Variants in PIK3C2G observed in about 807,000 individuals in gnomAD.
The protein encoded by PIK3C2G is phosphatidylinositol-4-phosphate 3-kinase catalytic subunit type 2 gamma.
Under a neutral mutation model 181.1 loss-of-function variants are expected in PIK3C2G, and 168 were observed. That is an observed-to-expected ratio of 0.93 (90% CI 0.82 to 1.05). The LOEUF is 1.05. Among genes scored for constraint, PIK3C2G ranks in the 50% least tolerant of loss-of-function variants. PIK3C2G has a pLI of 0.00. For missense variants in PIK3C2G, 1,869 were observed against 1,732.8 expected (o/e 1.08, Z -1.40); for synonymous variants, 573 against 592.2 (o/e 0.97, Z 0.47).
At chr12:18,590,012 TGGTAAC>T (rs1946992407) in intron 29 of PIK3C2G, among the ~76,000 whole-genome samples, 1 of 151,916 alleles carries the variant, frequency 6.6e-6, no homozygotes, top group Non-Finnish European at 1.5e-5. Flanking sequence ...AGCCTGGACT[TGGTAAC>T]CACACAGTCC....
intron 15 of PIK3C2G, among the ~76,000 whole-genome samples, chr12:18,399,395 C>T (rs1156538386): frequency 6.9e-6 from 1 of 144,290 alleles, no homozygotes; most frequent in Non-Finnish European, 1.5e-5. Context: ...AAAAAAAACA[C>T]GAATAAGAGT....
At chr12:18,385,059 G>T (rs1943076218) in intron 14 of PIK3C2G, among the ~76,000 whole-genome samples, 1 of 152,030 alleles carries the variant, frequency 6.6e-6, no homozygotes, top group Non-Finnish European at 1.5e-5. Context: ...GTTTCGTTAG[G>T]GAGTTAGTAT....
At chr12:18,308,997 T>C (rs1291366279) in intron 5 of PIK3C2G, among the ~76,000 whole-genome samples, 1 of 151,698 alleles carries the variant, frequency 6.6e-6, no homozygotes. Context: ...AAAGAAAATT[T>C]GGCCTCACAC....
At chr12:18,684,016 T>C in the PIK3C2G span, 2 of 1,255,858 alleles carry the variant, frequency 1.6e-6, no homozygotes, top group Non-Finnish European at 2.2e-6. Flanking sequence ...ATACATAAAA[T>C]TTCCTTTACA....
chr12:18,288,485 T>A (rs1949550054), intron 3 of PIK3C2G, among the ~76,000 whole-genome samples: 1 of 152,072 alleles, frequency 6.6e-6, no homozygotes, highest in Non-Finnish European at 1.5e-5. Flanking sequence ...ACAAAACAAA[T>A]CACCTCAAGT....
intron 22 of PIK3C2G, among the ~76,000 whole-genome samples, chr12:18,498,286 C>A (rs1026837890): frequency 3.3e-5 from 5 of 152,048 alleles, no homozygotes; most frequent in African/African-American, 1.2e-4. Context: ...GCCAAGAAAT[C>A]AATATGAAAA....
At chr12:18,500,884 C>T (rs766141008) in intron 22 of PIK3C2G, among the ~76,000 whole-genome samples, 4 of 152,118 alleles carry the variant, frequency 2.6e-5, no homozygotes, top group Admixed American at 6.5e-5. Context: ...ACCCTCACCG[C>T]GAAGGTCTGT....
intron 5 of PIK3C2G, among the ~76,000 whole-genome samples, chr12:18,294,611 T>TA (rs960496934): frequency 5.7e-4 from 86 of 151,506 alleles, no homozygotes; most frequent in East Asian, 3.1e-3. Flanking sequence ...ACTTATTTGA[T>TA]AAAAAAAAAT....
At chr12:18,620,527 CAG>C (rs538068604) in intron 31 of PIK3C2G, among the ~76,000 whole-genome samples, 1 of 148,066 alleles carries the variant, frequency 6.8e-6, no homozygotes, top group African/African-American at 2.5e-5. Context: ...ATTAGACAGA[CAG>C]ATAGATAGAT....
At chr12:18,653,766 G>C in the PIK3C2G span, among the ~76,000 whole-genome samples, 3 of 152,054 alleles carry the variant, frequency 2.0e-5, no homozygotes, top group African/African-American at 7.2e-5. Context: ...TCAAACTACA[G>C]CTGCAATTAT....
upstream of PIK3C2G, among the ~76,000 whole-genome samples, chr12:18,260,585 C>A (rs929783676): frequency 1.3e-5 from 2 of 151,714 alleles, no homozygotes; most frequent in Non-Finnish European, 2.9e-5. Context: ...CATGAGTAGC[C>A]CTGAAAGTGA....
intron 1 of PIK3C2G, among the ~76,000 whole-genome samples, chr12:18,272,922 G>C (rs1405437544): frequency 6.6e-6 from 1 of 151,988 alleles, no homozygotes; most frequent in Non-Finnish European, 1.5e-5. Flanking sequence ...TGTGAGGAAT[G>C]CTCATTGTAC....
At position 18,268,398 on chromosome 12, in the gene PIK3C2G, T is replaced by C. The variant is rs556390707; in HGVS notation, c.-79+6821T>C. ...ACCTTGATTTTTATTGTTATTATTA[T>C]TATTATTATTCTAAGATTAGAGATA... On this transcript the variant is annotated intron_variant, in intron 1 of 32. Coordinates refer to ENST00000538779, the MANE Select transcript of PIK3C2G (RefSeq NM_001288772.2). Among the ~76,000 whole-genome samples, 30 of 152,242 alleles carry C rather than the reference T, an allele frequency of 2.0e-4. No individual in the cohort carries two copies. In the East Asian group the frequency reaches 3.1e-3, roughly 16 times the overall value.
intron 13 of PIK3C2G, among the ~76,000 whole-genome samples, chr12:18,375,806 T>A (rs1776030526): frequency 6.6e-6 from 1 of 152,212 alleles, no homozygotes; most frequent in South Asian, 2.1e-4. Flanking sequence ...ATCAGGACAC[T>A]GCTCCCCACA....
At chr12:18,725,769 C>T in the PIK3C2G span, among the ~76,000 whole-genome samples, 2 of 152,024 alleles carry the variant, frequency 1.3e-5, no homozygotes, top group African/African-American at 2.4e-5. Context: ...CTATGTTTCT[C>T]GTTGTTGTTT....
chr12:18,472,626 C>T, intron 18 of PIK3C2G, among the ~76,000 whole-genome samples: 1 of 152,122 alleles, frequency 6.6e-6, no homozygotes, highest in East Asian at 1.9e-4. Context: ...GCCTGAACTA[C>T]AGCAAATAAT....
At chr12:18,572,051 A>G (rs1229172943) in intron 29 of PIK3C2G, among the ~76,000 whole-genome samples, 1 of 145,286 alleles carries the variant, frequency 6.9e-6, no homozygotes, top group East Asian at 1.9e-4. Flanking sequence ...TCTTTGACTT[A>G]TTTAAGTCTA....
At chr12:18,683,760 C>A in the PIK3C2G span, 1 of 591,876 alleles carries the variant, frequency 1.7e-6, no homozygotes, top group Non-Finnish European at 2.9e-6. Flanking sequence ...GTCTCAGGCT[C>A]CCAATCTCTT....
the PIK3C2G span, among the ~76,000 whole-genome samples, chr12:18,717,048 C>T: frequency 6.6e-6 from 1 of 151,964 alleles, no homozygotes; most frequent in Non-Finnish European, 1.5e-5. Context: ...TGCCACTAGT[C>T]ACAAGGAAAA....
Sources: allele counts gnomAD v4.1 joint callset (sites outside exome capture counted in the v4.1 genomes callset), GRCh38; gene constraint gnomAD v4.1.1; transcripts MANE v1.5; gene names NCBI Gene and HGNC (gene_info 2026-07-23, HGNC 2026-07-21).